Variants in HIVEP3 observed in about 807,000 individuals in gnomAD.
HIVEP3 encodes the protein HIVEP zinc finger 3, also known as transcription factor HIVEP3.
A neutral mutation model predicts 152.8 loss-of-function variants in HIVEP3; 49 were observed. The observed-to-expected ratio is 0.32, with a 90% confidence interval of 0.26 to 0.41. HIVEP3 has a LOEUF of 0.41. HIVEP3 is among the 10% of genes least tolerant of loss of function. The probability of loss-of-function intolerance (pLI) is 1.00; values close to 1 mark genes in which losing one functional copy is unlikely to be tolerated. For synonymous variants in HIVEP3, 1,269 were observed against 1,289.0 expected (o/e 0.98, Z 0.33); for missense variants, 2,790 against 3,103.3 (o/e 0.90, Z 2.40).
In HIVEP3 at chr1:41,868,458, G is replaced by A. The variant is rs75494806; in HGVS notation, c.-801+49955C>T. 2.8e-3 allele frequency among the ~76,000 whole-genome samples: 425 copies of A among 152,098 alleles called. 1 individual carries two copies. Among genetic ancestry groups the A allele is most frequent in the African/African-American group, 8.1e-3 (335 of 41,462 alleles). ...TTGCTCTTAAGTCCCCTCCTCCCCC[G>A]CCTTAGTAGCCAGATGAACCGATAA... On this transcript the variant is annotated intron_variant, in intron 1 of 8. Transcript: ENST00000372583.
chr1:41,694,696 A>ACTT (rs1646246580), intron 2 of HIVEP3, among the ~76,000 whole-genome samples: 1 of 152,208 alleles, frequency 6.6e-6, no homozygotes, highest in Admixed American at 6.5e-5. Flanking sequence ...GCAACAGGGC[A>ACTT]CTTCTCAGGC....
chr1:41,862,484 C>T (rs910096102), intron 1 of HIVEP3, among the ~76,000 whole-genome samples: 22 of 152,098 alleles, frequency 1.4e-4, no homozygotes, highest in Non-Finnish European at 8.8e-5. Context: ...TTCTCCTCCC[C>T]TCTCCCCTCT....
chr1:41,769,183 G>A (rs553377992), intron 1 of HIVEP3, among the ~76,000 whole-genome samples: 1 of 152,196 alleles, frequency 6.6e-6, no homozygotes, highest in Non-Finnish European at 1.5e-5. Context: ...TAAAACAACA[G>A]TGTATCAAAA....
At chr1:41,615,753 G>A (rs1387254338) in intron 3 of HIVEP3, among the ~76,000 whole-genome samples, 1 of 149,358 alleles carries the variant, frequency 6.7e-6, no homozygotes, top group Admixed American at 6.7e-5. Context: ...ACTCCTGGGA[G>A]CACAGGAGAA....
At chr1:41,863,717 A>G (rs2124402449) in intron 1 of HIVEP3, among the ~76,000 whole-genome samples, 1 of 152,342 alleles carries the variant, frequency 6.6e-6, no homozygotes, top group Non-Finnish European at 1.5e-5. Context: ...CTGTATGTAA[A>G]TTAGATCCTA....
chr1:41,546,753 A>C (rs766618758), intron 5 of HIVEP3, among the ~76,000 whole-genome samples: 4 of 152,232 alleles, frequency 2.6e-5, no homozygotes, highest in Non-Finnish European at 5.9e-5. Context: ...CCTGGTGCCC[A>C]GTAAAGAAAT....
intron 1 of HIVEP3, among the ~76,000 whole-genome samples, chr1:41,907,222 T>C (rs1294829979): frequency 6.6e-6 from 1 of 152,216 alleles, no homozygotes; most frequent in Non-Finnish European, 1.5e-5. Context: ...AAAAACATGT[T>C]CCTTCCTTGT....
chr1:41,586,336 C>T lies in HIVEP3; in HGVS notation c.-521-1018G>A, dbSNP rs1644506541. 3.9e-5 allele frequency among the ~76,000 whole-genome samples: 6 copies of T among 152,190 alleles called. No homozygotes were observed. In the South Asian group the frequency reaches 1.2e-3, roughly 32 times the overall value. On this transcript the variant is annotated intron_variant, in intron 3 of 8. Coordinates refer to ENST00000372583, the MANE Select transcript of HIVEP3 (RefSeq NM_024503.5). ...CCCAAGGCTGGAGTCACCATGGACT[C>T]CATCTCACCCAACCACCTGACTTTG...
Position 41,885,709 on chromosome 1 carries a change from C to T in HIVEP3, c.-801+32704G>A, listed in dbSNP as rs538849731. On this transcript the variant is annotated intron_variant, in intron 1 of 8. Coordinates refer to ENST00000372583, the MANE Select transcript of HIVEP3 (RefSeq NM_024503.5). Reference sequence around the variant, plus strand: ...TTCCTTCCTCCTTCCCTTCCTCCTTCCCTTCCTCCTTCCCTTCCCCCTCCT... The same window carrying T: ...TTCCTTCCTCCTTCCCTTCCTCCTTTCCTTCCTCCTTCCCTTCCCCCTCCT... 5.3e-5 allele frequency among the ~76,000 whole-genome samples: 8 copies of T among 150,650 alleles called. No individual in the cohort carries two copies. In the East Asian group the frequency reaches 9.7e-4, roughly 18 times the overall value.
At chr1:41,643,106 T>G (rs1645400407) in intron 2 of HIVEP3, among the ~76,000 whole-genome samples, 1 of 152,168 alleles carries the variant, frequency 6.6e-6, no homozygotes, top group South Asian at 2.1e-4. Context: ...CTCCCTGGTC[T>G]CCCCATGTGA....
At chr1:41,922,954 T>C (rs1352703781), upstream of HIVEP3, among the ~76,000 whole-genome samples, 1 of 152,182 alleles carries the variant, frequency 6.6e-6, no homozygotes, top group Non-Finnish European at 1.5e-5. Context: ...TAAGGATTTT[T>C]TTTAGGTTGA....
chr1:42,028,907 GTAAC>G (rs1374525468), intron 1 of HIVEP3, among the ~76,000 whole-genome samples: 1 of 152,214 alleles, frequency 6.6e-6, no homozygotes. Context: ...GGCAGCCACT[GTAAC>G]TAACTACTGC....
chr1:42,008,200 T>C (rs887369039), intron 1 of HIVEP3, among the ~76,000 whole-genome samples: 34 of 152,336 alleles, frequency 2.2e-4, no homozygotes, highest in Admixed American at 6.5e-4. Flanking sequence ...AATGTGATCC[T>C]GTCACATGAA....
At chr1:41,875,093 G>A (rs562702218) in intron 1 of HIVEP3, among the ~76,000 whole-genome samples, 69 of 152,356 alleles carry the variant, frequency 4.5e-4, no homozygotes, top group African/African-American at 1.3e-3. Context: ...GCAAGAGAGG[G>A]AGAGCCAGAA....
At chr1:42,000,234 G>A (rs776758974) in intron 1 of HIVEP3, among the ~76,000 whole-genome samples, 16 of 152,184 alleles carry the variant, frequency 1.1e-4, no homozygotes, top group Non-Finnish European at 2.1e-4. Context: ...AGCTTCTGGT[G>A]GGCCTAGGCC....
At chr1:41,732,252 G>T (rs1360196540) in intron 1 of HIVEP3, among the ~76,000 whole-genome samples, 1 of 152,174 alleles carries the variant, frequency 6.6e-6, no homozygotes, top group Non-Finnish European at 1.5e-5. Context: ...CATCTTGACT[G>T]CTGTATCCCT....
chr1:41,761,203 C>T (rs948190141), intron 1 of HIVEP3, among the ~76,000 whole-genome samples: 5 of 152,166 alleles, frequency 3.3e-5, no homozygotes, highest in Non-Finnish European at 7.4e-5. Flanking sequence ...TATGTGAGTG[C>T]CCAGGTGTGT....
At chr1:41,904,135 G>A (rs1644672256) in intron 1 of HIVEP3, among the ~76,000 whole-genome samples, 1 of 152,024 alleles carries the variant, frequency 6.6e-6, no homozygotes, top group Non-Finnish European at 1.5e-5. Flanking sequence ...GGCCTCAAGT[G>A]ATCTGCCTAC....
chr1:42,018,738 CTT>C (rs1645537527), intron 1 of HIVEP3, among the ~76,000 whole-genome samples: 2 of 152,070 alleles, frequency 1.3e-5, no homozygotes, highest in Non-Finnish European at 2.9e-5. Flanking sequence ...ACTCTAGACT[CTT>C]TATCAGCCCA....
Sources: allele counts gnomAD v4.1 joint callset (sites outside exome capture counted in the v4.1 genomes callset), GRCh38; gene constraint gnomAD v4.1.1; transcripts MANE v1.5; gene names NCBI Gene and HGNC (gene_info 2026-07-23, HGNC 2026-07-21).